The following SMURF1 variants were observed in gnomAD, a reference collection of about 807,000 sequenced individuals.
SMURF1 encodes the protein SMAD specific E3 ubiquitin protein ligase 1.
A neutral mutation model predicts 98.0 loss-of-function variants in SMURF1; 44 were observed. The observed-to-expected ratio is 0.45, with a 90% CI of 0.35 to 0.58. SMURF1 has a LOEUF of 0.58. SMURF1 is among the 20% of genes least tolerant of loss of function. The pLI is 0.00. For synonymous variants in SMURF1, 396 were observed against 374.9 expected, an observed-to-expected ratio of 1.06 and a Z score of -0.65; for missense variants, 687 against 938.4, an observed-to-expected ratio of 0.73 and a Z score of 3.50.
chr7:99,104,775 G>C (rs559197589), intron 1 of SMURF1, among the ~76,000 whole-genome samples: 93 of 152,306 alleles, frequency 6.1e-4, no homozygotes, highest in South Asian at 1.4e-3. Flanking sequence ...GTTATATGAG[G>C]AGAGTAGGAA....
chr7:99,079,234 T>C (rs906654172), intron 1 of SMURF1, among the ~76,000 whole-genome samples: 4 of 152,172 alleles, frequency 2.6e-5, no homozygotes, highest in African/African-American at 9.7e-5. Context: ...CACCCCCCAG[T>C]GGAGGTAATG....
chr7:99,042,266 C>T (rs746589984), intron 11 of SMURF1, 34 bp from the exon 12 acceptor site: 39 of 1,468,540 alleles, frequency 2.7e-5, no homozygotes, highest in South Asian at 1.2e-4. Context: ...ATTTGAGACG[C>T]GCTAAAATTT....
At chr7:99,081,677 C>CAG (rs112078555) in intron 1 of SMURF1, among the ~76,000 whole-genome samples, 3,166 of 152,120 alleles carry the variant, frequency 0.021, 104 homozygotes, top group African/African-American at 0.07. Flanking sequence ...TTTTTGGAGA[C>CAG]AGTCTTGCTC....
chr7:99,041,392 ACT>A (rs980625785), intron 12 of SMURF1, among the ~76,000 whole-genome samples: 29 of 151,820 alleles, frequency 1.9e-4, no homozygotes, highest in African/African-American at 6.8e-4. Flanking sequence ...ACACAGCGAG[ACT>A]CTCTCTCAAA....
intron 7 of SMURF1, 100 bp downstream of exon 7, chr7:99,052,105 A>G: frequency 4.8e-6 from 7 of 1,446,846 alleles, no homozygotes; most frequent in Non-Finnish European, 6.4e-6. Context: ...ACTGCACTCC[A>G]GCATGGGTGA....
chr7:99,036,371 GGGAGGC>G (rs1795141801), intron 15 of SMURF1: 2 of 154,998 alleles, frequency 1.3e-5, no homozygotes, highest in African/African-American at 4.8e-5. Flanking sequence ...TCAGCTACTC[GGGAGGC>G]GGAGGTGGGA....
At chr7:99,121,012 A>T (rs1797603928) in intron 1 of SMURF1, 1 of 152,162 alleles carries the variant, frequency 6.6e-6, no homozygotes. Context: ...TTCTATTAAG[A>T]GAGCAAATAA....
intron 3 of SMURF1, 50 bp from the exon 4 acceptor site, chr7:99,057,601 T>TA: frequency 2.1e-6 from 3 of 1,445,008 alleles, no homozygotes; most frequent in Non-Finnish European, 2.7e-6. Context: ...GTTTTTTTTG[T>TA]TTTGTTTTTT....
intron 1 of SMURF1, among the ~76,000 whole-genome samples, chr7:99,071,581 AAG>A (rs1186218611): frequency 6.6e-6 from 1 of 152,216 alleles, no homozygotes; most frequent in Non-Finnish European, 1.5e-5. Flanking sequence ...TGGATGGAGA[AAG>A]AAGACAGGTC....
intron 1 of SMURF1, among the ~76,000 whole-genome samples, chr7:99,076,889 G>T (rs767546948): frequency 4.6e-5 from 7 of 152,088 alleles, no homozygotes; most frequent in Non-Finnish European, 8.8e-5. Flanking sequence ...GTGTGTGCAC[G>T]TGTGTGCGCG....
chr7:99,118,170 G>A (rs1191338804), intron 1 of SMURF1, among the ~76,000 whole-genome samples: 5 of 152,208 alleles, frequency 3.3e-5, no homozygotes, highest in Non-Finnish European at 5.9e-5. Context: ...AAACTAGGAT[G>A]TGGAGAAACT....
chr7:99,038,426 A>G lies in SMURF1; in HGVS notation c.1650T>C (p.Asn550=). 1.2e-6 allele frequency: 2 copies of G among 1,614,220 alleles called. No homozygotes were observed. Among genetic ancestry groups the G allele is most frequent in the Non-Finnish European group, 1.7e-6 (2 of 1,180,038 alleles). ...TCTTATTCTCCTCTGTGACTGGCAC[A>G]TTTCTGCCATTGGGTTTCAGTTCAT... ...LQHELKPNGR[N]VPVTEENKKE... The change falls in exon 14 of 18, where the codon AAT becomes AAC. Residue 550 remains asparagine (N), a synonymous_variant. Transcript: ENST00000361368.
chr7:99,059,648 G>A (rs1029563619), intron 3 of SMURF1, among the ~76,000 whole-genome samples: 4 of 152,040 alleles, frequency 2.6e-5, no homozygotes, highest in African/African-American at 7.2e-5. Flanking sequence ...AGTGGCTCAC[G>A]CCTGTAATCC....
intron 1 of SMURF1, among the ~76,000 whole-genome samples, chr7:99,070,740 G>A (rs1401176625): frequency 6.6e-6 from 1 of 152,020 alleles, no homozygotes; most frequent in African/African-American, 2.4e-5. Flanking sequence ...TCCTAGCACG[G>A]AAGCACAGGG....
intron 1 of SMURF1, among the ~76,000 whole-genome samples, chr7:99,076,819 G>A (rs1201634136): frequency 1.3e-5 from 2 of 148,980 alleles, no homozygotes; most frequent in Non-Finnish European, 3.0e-5. Flanking sequence ...AAGTGTGCAT[G>A]TGTGCACGTG....
intron 1 of SMURF1, among the ~76,000 whole-genome samples, chr7:99,141,574 C>T (rs1404993454): frequency 6.6e-6 from 1 of 152,134 alleles, no homozygotes; most frequent in Non-Finnish European, 1.5e-5. Flanking sequence ...AAATGTATTT[C>T]CCCAGAAGCA....
chr7:99,143,710 C>G lies in SMURF1; in HGVS notation c.55+16G>C. The G allele has an allele frequency of 6.5e-7, 1 of 1,550,100 alleles. No individual in the cohort carries two copies. Among genetic ancestry groups the G allele is most frequent in the Non-Finnish European group, 8.7e-7 (1 of 1,151,360 alleles). On this transcript the variant is annotated intron_variant, in intron 1 of 17. Transcript: ENST00000361368. ...AGGGGGCGCCGGGGCGCGGGTGGGC[C>G]TCCCGCCGGCCGTACCTGTCAGACG...
chr7:99,068,913 G>A (rs532625667), intron 1 of SMURF1, among the ~76,000 whole-genome samples: 1 of 152,280 alleles, frequency 6.6e-6, no homozygotes, highest in East Asian at 1.9e-4. Flanking sequence ...CATTTTGTCA[G>A]TGAAGCCTCA....
intron 1 of SMURF1, among the ~76,000 whole-genome samples, chr7:99,136,470 G>GT (rs796423273): frequency 5.3e-5 from 8 of 152,048 alleles, no homozygotes; most frequent in African/African-American, 1.9e-4. Flanking sequence ...GTTTTTTATT[G>GT]TTTATAAGTG....
Sources: gnomAD v4.1 joint callset for allele counts (sites outside exome capture counted in the v4.1 genomes callset) on GRCh38, gnomAD v4.1.1 for gene constraint, MANE v1.5 for transcripts, NCBI Gene and HGNC (gene_info 2026-07-23, HGNC 2026-07-21) for gene names.